CCDC158: variants seen among roughly 807,000 people sequenced by gnomAD.
The protein encoded by CCDC158 is coiled-coil domain-containing protein 158.
CCDC158 carries 116 observed loss-of-function variants against 138.6 expected under a neutral mutation model. That is an observed-to-expected ratio of 0.84 (90% CI 0.72 to 0.98). CCDC158 has a LOEUF of 0.98. CCDC158 is among the 50% of genes least tolerant of loss of function. The pLI is 0.00. For missense variants in CCDC158, 1,265 were observed against 1,306.1 expected, an observed-to-expected ratio of 0.97 and a Z score of 0.48; for synonymous variants, 436 against 442.4, an observed-to-expected ratio of 0.99 and a Z score of 0.18.
Position 76,413,255 on chromosome 4 carries a change from C to A in CCDC158, c.-116-1123G>T, listed in dbSNP as rs1226172732. ...TTGGGAGGCCAAGGAGGGATAATTGCTTGAGCTCAGGAGTTTGAGACCAGC... is the reference window on the plus strand; with the variant it reads ...TTGGGAGGCCAAGGAGGGATAATTGATTGAGCTCAGGAGTTTGAGACCAGC... On this transcript the variant is annotated intron_variant, in intron 1 of 24. Coordinates refer to ENST00000682701, the MANE Select transcript of CCDC158 (RefSeq NM_001394954.1). Among the ~76,000 whole-genome samples, 6 of 151,774 alleles carry A rather than the reference C, an allele frequency of 4.0e-5. 1 individual carries two copies. In the East Asian group the frequency reaches 1.2e-3, roughly 29 times the overall value.
intron 23 of CCDC158, among the ~76,000 whole-genome samples, chr4:76,325,645 T>A (rs1471356360): frequency 1.3e-5 from 2 of 152,196 alleles, no homozygotes; most frequent in African/African-American, 4.8e-5. Context: ...AGAGAGATAA[T>A]GTTTACATAT....
chr4:76,335,246 C>T (rs1418570094), intron 18 of CCDC158, among the ~76,000 whole-genome samples: 6 of 152,248 alleles, frequency 3.9e-5, no homozygotes, highest in South Asian at 4.2e-4. Flanking sequence ...TCCAATTTTA[C>T]GAAACACTGG....
chr4:76,321,065 G>GA (rs1391877144), intron 24 of CCDC158, among the ~76,000 whole-genome samples: 2 of 151,888 alleles, frequency 1.3e-5, no homozygotes, highest in African/African-American at 2.4e-5. Context: ...GAATCAGCAA[G>GA]AAAAAAACAA....
intron 2 of CCDC158, among the ~76,000 whole-genome samples, chr4:76,407,776 G>A (rs1033778459): frequency 2.6e-5 from 4 of 152,148 alleles, no homozygotes; most frequent in African/African-American, 9.7e-5. Context: ...CAGAATCTAA[G>A]ATCAAGGTAA....
intron 1 of CCDC158, among the ~76,000 whole-genome samples, chr4:76,416,553 A>T (rs532342458): frequency 6.6e-6 from 1 of 152,204 alleles, no homozygotes; most frequent in Non-Finnish European, 1.5e-5. Flanking sequence ...CCAGGAGAAA[A>T]AAGTGGTTTT....
At chr4:76,349,541 C>T (rs1722863657) in intron 18 of CCDC158, among the ~76,000 whole-genome samples, 1 of 152,064 alleles carries the variant, frequency 6.6e-6, no homozygotes, top group Non-Finnish European at 1.5e-5. Context: ...TGGTGGCACG[C>T]ACCTTTAGTC....
At chr4:76,381,458 T>C (rs1726235580) in intron 8 of CCDC158, among the ~76,000 whole-genome samples, 2 of 152,252 alleles carry the variant, frequency 1.3e-5, no homozygotes, top group Admixed American at 6.5e-5. Flanking sequence ...TGGACTTGCA[T>C]GGGGCCTGCA....
intron 4 of CCDC158, among the ~76,000 whole-genome samples, chr4:76,391,265 T>C (rs111242052): frequency 0.029 from 4,476 of 152,078 alleles, 217 homozygotes; most frequent in African/African-American, 0.1. Context: ...AAGGAGAGAC[T>C]ATACATTAGG....
At chr4:76,375,814 A>C (rs1481485383) in intron 9 of CCDC158, 6 of 540,750 alleles carry the variant, frequency 1.1e-5, no homozygotes, top group Non-Finnish European at 2.0e-5. Flanking sequence ...GTTCACCAGC[A>C]TAAAATAACT....
chr4:76,416,773 A>C (rs1231730134), intron 1 of CCDC158, among the ~76,000 whole-genome samples: 1 of 152,200 alleles, frequency 6.6e-6, no homozygotes, highest in African/African-American at 2.4e-5. Flanking sequence ...ACCTCTGCCT[A>C]GATGTCAGAT....
intron 16 of CCDC158, 177 bp downstream of exon 16, chr4:76,352,946 A>T: frequency 2.0e-6 from 1 of 511,656 alleles, no homozygotes; most frequent in Non-Finnish European, 3.2e-6. Context: ...ACCACATTTT[A>T]AAATTCAGAA....
chr4:76,344,793 T>G lies in CCDC158; in HGVS notation c.2664+6203A>C, dbSNP rs1578920625. On this transcript the variant is annotated intron_variant, in intron 18 of 24. Transcript: ENST00000682701. Reference sequence around the variant, plus strand: ...TCCACCTGCTGCTATGAAGCCCGACTTCAATGGTCCTCGAGAGAAGATGCA... The same window carrying G: ...TCCACCTGCTGCTATGAAGCCCGACGTCAATGGTCCTCGAGAGAAGATGCA... The G allele has an allele frequency of 8.1e-6, 13 of 1,607,440 alleles. No individual in the cohort carries two copies. The East Asian group carries it at 2.9e-4, about 36-fold the overall frequency.
intron 13 of CCDC158, among the ~76,000 whole-genome samples, chr4:76,357,747 C>G (rs962293775): frequency 6.6e-6 from 1 of 152,054 alleles, no homozygotes; most frequent in South Asian, 2.1e-4. Flanking sequence ...CCTCCTCTAC[C>G]CACTTATTAC....
At chr4:76,344,897 A>G in intron 18 of CCDC158, 1 of 1,550,530 alleles carries the variant, frequency 6.4e-7, no homozygotes, top group Non-Finnish European at 8.9e-7. Flanking sequence ...CCTAAGTGTT[A>G]GGTGGAAAAA....
chr4:76,421,292 T>G (rs1024622693), upstream of CCDC158, among the ~76,000 whole-genome samples: 1 of 151,708 alleles, frequency 6.6e-6, no homozygotes, highest in African/African-American at 2.4e-5. Flanking sequence ...CGGGGACCCC[T>G]CCCGCGCCTG....
Position 76,384,677 on chromosome 4 carries a change from A to G in CCDC158, c.289-12T>C. On this transcript the variant is annotated splice_polypyrimidine_tract_variant and intron_variant, in intron 4 of 24. Transcript: ENST00000682701. The stretch of plus-strand genomic sequence containing the variant: ...TGCAATTCATTGCTCTGAAAAAAAA[A>G]GCCATGCAAATTAATCTTCATTAGA... 6.4e-7 allele frequency: 1 copy of G among 1,574,662 alleles called. No individual in the cohort carries two copies. The highest frequency in any genetic ancestry group is 8.7e-7 in the Non-Finnish European group (1 of 1,147,852).
chr4:76,335,258 T>G (rs1721373805), intron 18 of CCDC158, among the ~76,000 whole-genome samples: 1 of 152,196 alleles, frequency 6.6e-6, no homozygotes, highest in East Asian at 1.9e-4. Context: ...AAACACTGGT[T>G]TTGTTCTTGC....
intron 4 of CCDC158, among the ~76,000 whole-genome samples, chr4:76,389,257 A>G (rs1199003830): frequency 6.6e-6 from 1 of 152,088 alleles, no homozygotes; most frequent in African/African-American, 2.4e-5. Context: ...AAATTTAACA[A>G]AGAGATTAAA....
intron 24 of CCDC158, among the ~76,000 whole-genome samples, chr4:76,321,212 A>G (rs1229989292): frequency 6.6e-6 from 1 of 152,198 alleles, no homozygotes; most frequent in African/African-American, 2.4e-5. Flanking sequence ...CAACAGTATG[A>G]TACTACCTAC....
Sources: allele counts gnomAD v4.1 joint callset (sites outside exome capture counted in the v4.1 genomes callset), GRCh38; gene constraint gnomAD v4.1.1; transcripts MANE v1.5; gene names NCBI Gene and HGNC (gene_info 2026-07-23, HGNC 2026-07-21).